Variants in NELL1 observed in about 807,000 individuals in gnomAD.
NELL1 encodes neural EGFL like 1.
NELL1 carries 76 observed loss-of-function variants against 107.4 expected under a neutral mutation model. The ratio of observed to expected loss-of-function variants is 0.71; its 90% CI spans 0.59 to 0.86. The LOEUF (loss-of-function observed/expected upper bound fraction) is 0.86. NELL1 is among the 40% of genes least tolerant of loss of function. The probability of loss-of-function intolerance (pLI) is 0.00; values close to 1 mark genes in which losing one functional copy is unlikely to be tolerated. For missense variants in NELL1, 1,024 were observed against 1,005.5 expected, an observed-to-expected ratio of 1.02 and a Z score of -0.25; for synonymous variants, 353 against 341.2, an observed-to-expected ratio of 1.03 and a Z score of -0.38.
chr11:20,985,178 AT>A (rs1209740170), intron 12 of NELL1, among the ~76,000 whole-genome samples: 1 of 152,154 alleles, frequency 6.6e-6, no homozygotes, highest in African/African-American at 2.4e-5. Context: ...TAGAAAATTC[AT>A]TTCTACTATT....
intron 12 of NELL1, among the ~76,000 whole-genome samples, chr11:20,982,479 A>G (rs181798224): frequency 6.6e-6 from 1 of 152,204 alleles, no homozygotes; most frequent in Non-Finnish European, 1.5e-5. Flanking sequence ...ATTTGCTGCT[A>G]TCTGGCTATG....
In NELL1 at chr11:21,524,462, A is replaced by G. The variant is rs368920521; in HGVS notation, c.1646-9912A>G. 7.2e-5 allele frequency among the ~76,000 whole-genome samples: 11 copies of G among 152,296 alleles called. No homozygotes were observed. In the South Asian group the frequency reaches 1.0e-3, roughly 14 times the overall value. ...TGGGGTGGTAGAACTGTTAAACACT[A>G]TAGGAATTCAGAGAAAAGAAAGAGG... On this transcript the variant is annotated intron_variant, in intron 15 of 19. Transcript: ENST00000357134.
intron 15 of NELL1, among the ~76,000 whole-genome samples, chr11:21,429,333 A>G (rs923595747): frequency 7.2e-5 from 11 of 152,230 alleles, no homozygotes; most frequent in African/African-American, 2.4e-4. Context: ...GGAATGAAAT[A>G]TGATTCAAAT....
intron 13 of NELL1, among the ~76,000 whole-genome samples, chr11:21,186,777 A>G (rs1384723941): frequency 6.6e-6 from 1 of 151,944 alleles, no homozygotes; most frequent in Admixed American, 6.5e-5. Flanking sequence ...AATTTTCTAA[A>G]TAGAGGGAAA....
intron 13 of NELL1, among the ~76,000 whole-genome samples, chr11:21,142,033 G>T (rs983744454): frequency 6.6e-6 from 1 of 152,046 alleles, no homozygotes; most frequent in Non-Finnish European, 1.5e-5. Context: ...CAAAGTGCTG[G>T]GATTATAGGC....
At chr11:21,512,203 G>A (rs1855454390) in intron 15 of NELL1, among the ~76,000 whole-genome samples, 2 of 152,136 alleles carry the variant, frequency 1.3e-5, no homozygotes, top group African/African-American at 2.4e-5. Context: ...AGCACATGGG[G>A]CCCATTGTCT....
In NELL1 at chr11:21,283,155, T is replaced by A. The variant is rs540189810; in HGVS notation, c.1549+53701T>A. The stretch of plus-strand genomic sequence containing the variant: ...GTCAATAATAATTTGTGTACATTTT[T>A]AAATAACTAAATGAGTGTAGTTGGA... On this transcript the variant is annotated intron_variant, in intron 14 of 19. Transcript: ENST00000357134. 1.4e-4 allele frequency among the ~76,000 whole-genome samples: 21 copies of A among 152,236 alleles called. No individual in the cohort carries two copies. The East Asian group carries it at 3.7e-3, about 27-fold the overall frequency.
chr11:21,509,235 C>A (rs1855374738), intron 15 of NELL1, among the ~76,000 whole-genome samples: 1 of 152,068 alleles, frequency 6.6e-6, no homozygotes, highest in Admixed American at 6.6e-5. Context: ...ATTGACAAAG[C>A]ATGGAGCAAC....
At chr11:20,941,623 G>C (rs1467154074) in intron 10 of NELL1, among the ~76,000 whole-genome samples, 1 of 152,142 alleles carries the variant, frequency 6.6e-6, no homozygotes, top group Admixed American at 6.5e-5. Context: ...GGAACATTTT[G>C]CCTAGTGCCT....
chr11:21,187,510 G>T (rs1590716073), intron 13 of NELL1, among the ~76,000 whole-genome samples: 1 of 151,760 alleles, frequency 6.6e-6, no homozygotes, highest in Non-Finnish European at 1.5e-5. Context: ...AGACCACATT[G>T]ACTGGTCTAT....
At chr11:21,441,549 G>T (rs185043129) in intron 15 of NELL1, among the ~76,000 whole-genome samples, 1 of 152,016 alleles carries the variant, frequency 6.6e-6, no homozygotes, top group African/African-American at 2.4e-5. Flanking sequence ...GTATGATATT[G>T]TAACACTTTC....
chr11:21,434,635 A>C (rs935453582), intron 15 of NELL1, among the ~76,000 whole-genome samples: 1 of 152,074 alleles, frequency 6.6e-6, no homozygotes, highest in Admixed American at 6.5e-5. Context: ...GATGCCTCCA[A>C]CTTTGTTCTT....
At chr11:20,874,979 A>T (rs925227291) in intron 4 of NELL1, among the ~76,000 whole-genome samples, 21 of 152,132 alleles carry the variant, frequency 1.4e-4, no homozygotes, top group African/African-American at 7.2e-5. Context: ...ATGCCCTCAC[A>T]ATCTTTTCTG....
intron 3 of NELL1, among the ~76,000 whole-genome samples, chr11:20,814,631 A>G (rs1011218049): frequency 1.3e-5 from 2 of 152,106 alleles, no homozygotes; most frequent in African/African-American, 4.8e-5. Flanking sequence ...ACGTAATTTC[A>G]TTCTTTTTTT....
intron 15 of NELL1, among the ~76,000 whole-genome samples, chr11:21,447,553 A>T (rs770793377): frequency 1.3e-5 from 2 of 152,154 alleles, no homozygotes; most frequent in African/African-American, 4.8e-5. Flanking sequence ...CCAATGCCCT[A>T]TCCTACTGAG....
At chr11:21,470,719 C>T (rs548658049) in intron 15 of NELL1, among the ~76,000 whole-genome samples, 2 of 152,174 alleles carry the variant, frequency 1.3e-5, no homozygotes, top group South Asian at 2.1e-4. Flanking sequence ...ATATTGCCAG[C>T]ATCTAGCAGA....
chr11:21,320,255 T>G (rs1376559236), intron 14 of NELL1, among the ~76,000 whole-genome samples: 1 of 152,158 alleles, frequency 6.6e-6, no homozygotes, highest in Non-Finnish European at 1.5e-5. Context: ...GTGTATTGTT[T>G]ATAATAATAA....
At chr11:21,337,780 CT>C (rs754193228) in intron 14 of NELL1, among the ~76,000 whole-genome samples, 17 of 139,998 alleles carry the variant, frequency 1.2e-4, no homozygotes, top group East Asian at 4.2e-4. Context: ...TTCTTTCTTT[CT>C]TTCTTTCTTT....
rs76573540 is a variant in NELL1, at chr11:20,856,575, G to A, written c.506+8822G>A. 7.6e-3 allele frequency among the ~76,000 whole-genome samples: 1,154 copies of A among 152,312 alleles called. 11 individuals carry two copies. The highest frequency in any genetic ancestry group is 0.027 in the African/African-American group (1,112 of 41,566). On this transcript the variant is annotated intron_variant, in intron 4 of 19. Transcript: ENST00000357134. ...TTATCATTGGAGGTAAACAGCCCTA[G>A]GCTGTGATTAGTCCTGGTATATCCT...
Sources: gnomAD v4.1 joint callset for allele counts (sites outside exome capture counted in the v4.1 genomes callset) on GRCh38, gnomAD v4.1.1 for gene constraint, MANE v1.5 for transcripts, NCBI Gene and HGNC (gene_info 2026-07-23, HGNC 2026-07-21) for gene names.